Variants in CD207 observed in about 807,000 individuals in gnomAD.
CD207 encodes CD207 molecule, also known as C-type lectin domain family 4 member K.
A neutral mutation model predicts 31.6 loss-of-function variants in CD207; 28 were observed. That is an observed-to-expected ratio of 0.89 (90% CI 0.66 to 1.21). CD207 has a LOEUF of 1.21. CD207 is among the 50% of genes most tolerant of loss of function. The pLI, the probability that CD207 is intolerant of heterozygous loss-of-function variation, is 0.00. For synonymous variants in CD207, 168 were observed against 153.9 expected (o/e 1.09, Z -0.68); for missense variants, 388 against 397.8 (o/e 0.98, Z 0.21).
chr2:70,832,691 A>G (rs1240042393), intron 4 of CD207, among the ~76,000 whole-genome samples: 1 of 152,220 alleles, frequency 6.6e-6, no homozygotes, highest in Non-Finnish European at 1.5e-5. Flanking sequence ...ACATATTAAG[A>G]TGAAGACTCC....
chr2:70,830,085 C>T (rs180914449), downstream of CD207: 136 of 152,342 alleles, frequency 8.9e-4, 1 homozygote, highest in African/African-American at 3.2e-3. Context: ...GGAACTTCCC[C>T]AGTCCTTGTT....
At chr2:70,835,268 T>C (rs1677582845) in intron 2 of CD207, among the ~76,000 whole-genome samples, 1 of 152,218 alleles carries the variant, frequency 6.6e-6, no homozygotes, top group South Asian at 2.1e-4. Flanking sequence ...AATGTGCAAA[T>C]GCTAATCCCA....
chr2:70,828,180 C>T (rs2104695644), downstream of CD207, among the ~76,000 whole-genome samples: 1 of 152,284 alleles, frequency 6.6e-6, no homozygotes, highest in East Asian at 1.9e-4. Flanking sequence ...ATTGATAACA[C>T]CCCAAGACCT....
intron 3 of CD207, 144 bp from the exon 4 acceptor site, chr2:70,833,195 G>C (rs565834009): frequency 2.9e-6 from 2 of 698,016 alleles, no homozygotes; most frequent in Admixed American, 5.3e-5. Context: ...TAGGAGATTA[G>C]GGACACTCTT....
At chr2:70,828,453 G>C (rs1294639623), downstream of CD207, among the ~76,000 whole-genome samples, 4 of 152,202 alleles carry the variant, frequency 2.6e-5, no homozygotes, top group African/African-American at 4.8e-5. Context: ...ACTGACTCAG[G>C]CTCTTTCAGT....
rs1267099161 is a variant in CD207 at position 70,830,406 on chromosome 2, A to C, written c.*644T>G. On this transcript the variant is annotated 3_prime_UTR_variant, in exon 6 of 6. Coordinates refer to ENST00000410009, the MANE Select transcript of CD207 (RefSeq NM_015717.5). The stretch of plus-strand genomic sequence containing the variant: ...CAGGGCTCGGCACTCCAGTGTACTA[A>C]GGGAGTGGAAGGAGAAGGGAGGCTG... 6.6e-6 allele frequency: 1 copy of C among 152,554 alleles called. No homozygotes were observed. The highest frequency in any genetic ancestry group is 1.5e-5 in the Non-Finnish European group (1 of 68,344). 9.5% of individuals were successfully genotyped at this position (152,554 alleles called of 1,614,324 possible). A position where few individuals can be genotyped will look rare whatever the true frequency, so the allele number is the denominator to read the frequency against.
intron 4 of CD207, 72 bp from the exon 5 acceptor site, chr2:70,831,891 C>T: frequency 4.0e-6 from 4 of 1,000,632 alleles, no homozygotes; most frequent in South Asian, 3.9e-5. Flanking sequence ...GGGTGTTCTT[C>T]ACCTGCGCTC....
the CD207 span, among the ~76,000 whole-genome samples, chr2:70,824,696 A>G: frequency 1.3e-5 from 2 of 151,428 alleles, no homozygotes; most frequent in South Asian, 4.2e-4. Context: ...GGAGCTCCCA[A>G]TGGCCAAAGC....
Position 70,835,358 on chromosome 2 carries a change from A to C in CD207, c.190+133T>G, listed in dbSNP as rs142447694. 5.9e-5 allele frequency: 41 copies of C among 696,528 alleles called. No homozygotes were observed. In the African/African-American group the frequency reaches 7.1e-4, roughly 12 times the overall value. 43.1% of individuals were successfully genotyped at this position (696,528 alleles called of 1,614,324 possible). On this transcript the variant is annotated intron_variant, in intron 2 of 5. Coordinates refer to ENST00000410009, the MANE Select transcript of CD207 (RefSeq NM_015717.5). The stretch of plus-strand genomic sequence containing the variant: ...GCACAGCCTGTTACTGCACATGGAA[A>C]GAGGAGGAAGGAGACAAATGAAAAA...
chr2:70,830,879 G>A lies in CD207; in HGVS notation c.*171C>T, dbSNP rs74392937. The A allele has an allele frequency of 3.0e-3, 1,708 of 575,490 alleles. 22 individuals are homozygous for A. Among genetic ancestry groups the A allele is most frequent in the African/African-American group, 0.029 (1,560 of 53,402 alleles). The allele number at this position is 575,490 out of a possible 1,614,324, so 35.6% of individuals were successfully genotyped here. Reference sequence around the variant, plus strand: ...TTTCCATTCCAGCTGCCTCCAAGACGTCAGAGAATTTCCAGCCAAGACAGA... The same window carrying A: ...TTTCCATTCCAGCTGCCTCCAAGACATCAGAGAATTTCCAGCCAAGACAGA... On this transcript the variant is annotated 3_prime_UTR_variant, in exon 6 of 6. Coordinates refer to ENST00000410009, the MANE Select transcript of CD207 (RefSeq NM_015717.5).
downstream of CD207, among the ~76,000 whole-genome samples, chr2:70,828,354 T>C (rs1332068465): frequency 6.6e-6 from 1 of 152,172 alleles, no homozygotes; most frequent in Non-Finnish European, 1.5e-5. Flanking sequence ...GCGACAGGTG[T>C]CCCAGCTTCC....
downstream of CD207, among the ~76,000 whole-genome samples, chr2:70,827,704 G>A (rs1442566352): frequency 6.6e-6 from 1 of 151,806 alleles, no homozygotes; most frequent in South Asian, 2.1e-4. Flanking sequence ...GAAAATTAAA[G>A]CAAAGAAAGC....
chr2:70,828,358 AG>A (rs1677394334), downstream of CD207, among the ~76,000 whole-genome samples: 2 of 152,230 alleles, frequency 1.3e-5, no homozygotes, highest in Admixed American at 1.3e-4. Context: ...CAGGTGTCCC[AG>A]CTTCCTCAAG....
downstream of CD207, among the ~76,000 whole-genome samples, chr2:70,828,652 C>CA (rs1677400172): frequency 6.6e-6 from 1 of 152,198 alleles, no homozygotes. Flanking sequence ...TCTCTGCCAA[C>CA]TATAATCCTC....
chr2:70,834,639 C>G (rs1290217335), intron 2 of CD207, among the ~76,000 whole-genome samples: 2 of 152,128 alleles, frequency 1.3e-5, no homozygotes, highest in African/African-American at 4.8e-5. Context: ...GGCCTGGGTA[C>G]CAGAGAGAGG....
At position 70,835,694 on chromosome 2, in the gene CD207, T is replaced by A. The variant is rs1227603921; in HGVS notation, c.73+10A>T. 2 of 1,613,364 alleles carry A rather than the reference T, an allele frequency of 1.2e-6. No homozygotes were observed. Among genetic ancestry groups the A allele is most frequent in the Admixed American group, 1.7e-5 (1 of 59,942 alleles). Reference sequence around the variant, plus strand: ...ACACGGAGCAGGTTCTCAGCAGCGATGTGGCTTGCCTCGGGGCCAGAGGGA... The same window carrying A: ...ACACGGAGCAGGTTCTCAGCAGCGAAGTGGCTTGCCTCGGGGCCAGAGGGA... On this transcript the variant is annotated intron_variant, in intron 1 of 5. Transcript: ENST00000410009.
downstream of CD207, among the ~76,000 whole-genome samples, chr2:70,829,188 C>T (rs1254613532): frequency 6.6e-6 from 1 of 152,214 alleles, no homozygotes; most frequent in Non-Finnish European, 1.5e-5. Context: ...CAGAGATCCC[C>T]GACCAGCCTT....
downstream of CD207, among the ~76,000 whole-genome samples, chr2:70,827,641 C>CAT (rs1677377411): frequency 6.6e-6 from 1 of 151,828 alleles, no homozygotes; most frequent in African/African-American, 2.4e-5. Context: ...CGTGTGTGCG[C>CAT]GCACACACAC....
intron 4 of CD207, 106 bp downstream of exon 4, chr2:70,832,794 G>A: frequency 9.0e-7 from 1 of 1,112,330 alleles, no homozygotes; most frequent in Non-Finnish European, 1.3e-6. Context: ...TCTTCATTAG[G>A]TCATCAATAT....
Sources: gnomAD v4.1 joint callset for allele counts (sites outside exome capture counted in the v4.1 genomes callset) on GRCh38, gnomAD v4.1.1 for gene constraint, MANE v1.5 for transcripts, NCBI Gene and HGNC (gene_info 2026-07-23, HGNC 2026-07-21) for gene names.